The following TOX4 variants were observed in gnomAD, a reference collection of about 807,000 sequenced individuals.
TOX4 encodes the protein epidermal Langerhans cell protein LCP1.
A neutral mutation model predicts 61.0 loss-of-function variants in TOX4; 12 were observed. That is an observed-to-expected ratio of 0.20 (90% CI 0.13 to 0.32). The LOEUF (loss-of-function observed/expected upper bound fraction) is 0.32, where lower values mean the gene tolerates loss of function less well. Ranked by LOEUF, TOX4 falls within the 10% of genes least tolerant of loss-of-function variation. TOX4 has a pLI of 1.00. For synonymous variants in TOX4, 268 were observed against 274.8 expected, an observed-to-expected ratio of 0.98 and a Z score of 0.24; for missense variants, 499 against 753.3, an observed-to-expected ratio of 0.66 and a Z score of 3.95.
In TOX4 at chr14:21,488,674, T is replaced by G. The variant is rs1446808055; in HGVS notation, c.403T>G (p.Leu135Val). The G allele has an allele frequency of 4.3e-6, 7 of 1,614,078 alleles. No homozygotes were observed. Among genetic ancestry groups the G allele is most frequent in the Non-Finnish European group, 5.1e-6 (6 of 1,180,050 alleles). Residue 135 changes from leucine to valine, a missense_variant, in exon 4 of 9, where the codon TTG becomes GTG. Physicochemically the swap from Leu to Val is conservative, Grantham distance 32. Transcript: ENST00000448790. ...DVPMTDMTSG[L>V]MGHSQLTTID... ...ACCAATGACAGACATGACATCTGGCTTGATGGGGCATAGCCAGTTGACCAC... is the reference window on the plus strand; with the variant it reads ...ACCAATGACAGACATGACATCTGGCGTGATGGGGCATAGCCAGTTGACCAC...
At chr14:21,490,329 T>A (rs1017479510) in intron 5 of TOX4, among the ~76,000 whole-genome samples, 1 of 151,908 alleles carries the variant, frequency 6.6e-6, no homozygotes, top group African/African-American at 2.4e-5. Flanking sequence ...ACAAAAAAAT[T>A]AGCCGGGTGT....
rs1308979386 is a variant in TOX4 at position 21,498,979 on chromosome 14, T to C, written c.*2373T>C. 1 of 1,339,166 alleles carries C rather than the reference T, an allele frequency of 7.5e-7. No individual in the cohort carries two copies. 83.0% of individuals were successfully genotyped at this position (1,339,166 alleles called of 1,614,324 possible). On this transcript the variant is annotated 3_prime_UTR_variant, in exon 9 of 9. Coordinates refer to ENST00000448790, the MANE Select transcript of TOX4 (RefSeq NM_014828.4). ...CTCTACTAAGTTCTGTCCTTAATCATAAATAATAGCCCCTTGAGGACTAGC... is the reference window on the plus strand; with the variant it reads ...CTCTACTAAGTTCTGTCCTTAATCACAAATAATAGCCCCTTGAGGACTAGC...
rs1487653129 is a variant in TOX4, at chr14:21,477,528, C to T, written c.39C>T (p.Ile13=). Reference sequence around the variant, plus strand: ...GAGGAAATGACAATTACCTGACGATCACAGGGCCTTCGCACCCCTTCCTGT... The same window carrying T: ...GAGGAAATGACAATTACCTGACGATTACAGGGCCTTCGCACCCCTTCCTGT... The part of the protein sequence containing the change: ...FPGGNDNYLT[I]TGPSHPFLSG... The change falls in exon 2 of 9, where the codon ATC becomes ATT. Residue 13 remains isoleucine (I), a synonymous_variant. Coordinates refer to ENST00000448790, the MANE Select transcript of TOX4 (RefSeq NM_014828.4). 10 of 1,613,756 alleles carry T rather than the reference C, an allele frequency of 6.2e-6. No individual in the cohort carries two copies. The South Asian group carries it at 8.8e-5, about 14-fold the overall frequency.
intron 5 of TOX4, 55 bp downstream of exon 5, chr14:21,489,458 A>G: frequency 2.0e-6 from 3 of 1,493,354 alleles, no homozygotes; most frequent in Non-Finnish European, 2.7e-6. Flanking sequence ...TTAAAGAGAT[A>G]AAAATTGAGG....
Position 21,496,819 on chromosome 14 carries a change from A to G in TOX4, c.*213A>G, listed in dbSNP as rs1891413575. ...CTGGAGATGCTTTTTACTTTCAACC[A>G]TAAGCGGTAATAGCAGAGGAAAGGG... On this transcript the variant is annotated 3_prime_UTR_variant, in exon 9 of 9. Transcript: ENST00000448790. 1.1e-5 allele frequency: 6 copies of G among 521,830 alleles called. No homozygotes were observed. Among genetic ancestry groups the G allele is most frequent in the South Asian group, 4.4e-5 (2 of 45,950 alleles). 32.3% of individuals were successfully genotyped at this position (521,830 alleles called of 1,614,324 possible).
intron 4 of TOX4, 150 bp downstream of exon 4, chr14:21,489,000 T>A (rs12880071): frequency 2.3e-6 from 3 of 1,277,658 alleles, no homozygotes. Context: ...ATTTCCAGTT[T>A]ATAATTCTCC....
rs1354764427 is a variant in TOX4 at position 21,485,019 on chromosome 14, A to G, written c.76-2432A>G. Among the ~76,000 whole-genome samples, 3 of 108,560 alleles carry G rather than the reference A, an allele frequency of 2.8e-5. 1 individual carries two copies. The highest frequency in any genetic ancestry group is 6.9e-5 in the African/African-American group (2 of 29,062). 71.2% of individuals were successfully genotyped at this position (108,560 alleles called of 152,430 possible). ...GCTGTGGCTCATGCCTGTAATCCCAACAGTTTGGGAGGTCAAGGCAGGGTG... is the reference window on the plus strand; with the variant it reads ...GCTGTGGCTCATGCCTGTAATCCCAGCAGTTTGGGAGGTCAAGGCAGGGTG... On this transcript the variant is annotated intron_variant, in intron 2 of 8. Transcript: ENST00000448790.
At chr14:21,487,810 A>G in intron 3 of TOX4, 117 bp downstream of exon 3, 1 of 1,217,096 alleles carries the variant, frequency 8.2e-7, no homozygotes, top group Non-Finnish European at 1.1e-6. Flanking sequence ...CTTGTGGCTA[A>G]AGGCTCACCA....
At chr14:21,491,623 A>G (rs1891292354) in intron 5 of TOX4, among the ~76,000 whole-genome samples, 1 of 150,308 alleles carries the variant, frequency 6.7e-6, no homozygotes, top group African/African-American at 2.4e-5. Context: ...TTGGCCTCCC[A>G]AAGTGCTGGG....
In TOX4 at chr14:21,487,499, A is replaced by G; in HGVS notation, c.124A>G (p.Ile42Val). The G allele has an allele frequency of 6.2e-7, 1 of 1,613,898 alleles. No homozygotes were observed. The highest frequency in any genetic ancestry group is 8.5e-7 in the Non-Finnish European group (1 of 1,179,912). ...TGATGAGGAATTTGAAATCCCACCT[A>G]TCTCCTTGGATTCTGATCCCTCATT... ...LGDEEFEIPP[I>V]SLDSDPSLAV... The change falls in exon 3 of 9, where the codon ATC becomes GTC. Residue 42 changes from isoleucine (I) to valine (V), a missense_variant. Around this residue, in one of 7 missense-constraint regions of TOX4, gnomAD observed 11 missense variants for 38.8 expected, o/e 0.28. Transcript: ENST00000448790.
At position 21,498,077 on chromosome 14, in the gene TOX4, G is replaced by GA; in HGVS notation, c.*1472dup. 1.7e-6 allele frequency: 1 copy of GA among 582,214 alleles called. No individual in the cohort carries two copies. The highest frequency in any genetic ancestry group is 2.8e-5 in the East Asian group (1 of 35,360). 36.1% of individuals were successfully genotyped at this position (582,214 alleles called of 1,614,324 possible). On this transcript the variant is annotated 3_prime_UTR_variant, in exon 9 of 9. Coordinates refer to ENST00000448790, the MANE Select transcript of TOX4 (RefSeq NM_014828.4). ...ATACTCCCATTTCACATATAATACT[G>GA]AGAGATGAGTTGCACAAGATTATAC...
chr14:21,486,458 T>TCTCGG (rs1891191110), intron 2 of TOX4, among the ~76,000 whole-genome samples: 2 of 146,746 alleles, frequency 1.4e-5, no homozygotes, highest in African/African-American at 2.5e-5. Context: ...ATGCATGAAA[T>TCTCGG]CTCACTTATC....
At chr14:21,496,487 C>T in intron 8 of TOX4, 59 bp from the exon 9 acceptor site, 1 of 1,490,996 alleles carries the variant, frequency 6.7e-7, no homozygotes, top group Non-Finnish European at 9.3e-7. Flanking sequence ...TGTATCTAGG[C>T]TGTAATTCTA....
At chr14:21,495,626 G>A (rs1891383598) in intron 8 of TOX4, 2 of 358,918 alleles carry the variant, frequency 5.6e-6, no homozygotes, top group Non-Finnish European at 1.0e-5. Context: ...CCTCTCTTAT[G>A]TATGCTCTTT....
At chr14:21,480,564 T>G (rs1891090333) in intron 2 of TOX4, among the ~76,000 whole-genome samples, 1 of 152,048 alleles carries the variant, frequency 6.6e-6, no homozygotes, top group Non-Finnish European at 1.5e-5. Context: ...GAGAGGAAAT[T>G]TTTAGACTTT....
rs895560888 is a variant in TOX4 at position 21,487,307 on chromosome 14, G to A, written c.76-144G>A. The A allele has an allele frequency of 3.3e-5, 39 of 1,173,528 alleles. No individual in the cohort carries two copies. The African/African-American group carries it at 3.7e-4, about 11-fold the overall frequency. 72.7% of individuals were successfully genotyped at this position (1,173,528 alleles called of 1,614,324 possible). On this transcript the variant is annotated intron_variant, in intron 2 of 8. Coordinates refer to ENST00000448790, the MANE Select transcript of TOX4 (RefSeq NM_014828.4). Reference sequence around the variant, plus strand: ...GAAGAGAGATTGGTAAAAATAATAGGTTCTAAGAAATTGATTATAAAATAG... The same window carrying A: ...GAAGAGAGATTGGTAAAAATAATAGATTCTAAGAAATTGATTATAAAATAG...
chr14:21,478,842 A>G (rs1366295009), intron 2 of TOX4, among the ~76,000 whole-genome samples: 1 of 150,744 alleles, frequency 6.6e-6, no homozygotes, highest in Non-Finnish European at 1.5e-5. Context: ...GTCTCCCTGT[A>G]GCCCAGGCTG....
chr14:21,489,960 T>C (rs372027634), intron 5 of TOX4, among the ~76,000 whole-genome samples: 5 of 151,650 alleles, frequency 3.3e-5, no homozygotes, highest in Non-Finnish European at 5.9e-5. Context: ...GGCAGGAGGA[T>C]TGCTTGAGCC....
intron 7 of TOX4, among the ~76,000 whole-genome samples, chr14:21,494,415 G>T (rs1161446320): frequency 6.6e-6 from 1 of 151,530 alleles, no homozygotes; most frequent in Non-Finnish European, 1.5e-5. Context: ...GGACCAGCCT[G>T]GCCAACATGG....
Sources: allele counts gnomAD v4.1 joint callset (sites outside exome capture counted in the v4.1 genomes callset), GRCh38; gene constraint gnomAD v4.1.1; regional missense constraint gnomAD v4.1.1; transcripts MANE v1.5; gene names NCBI Gene and HGNC (gene_info 2026-07-23, HGNC 2026-07-21).